CNTN4: variants seen among roughly 807,000 people sequenced by gnomAD.
CNTN4 encodes the protein contactin 4.
CNTN4 carries 77 observed loss-of-function variants against 122.5 expected under a neutral mutation model. The observed-to-expected ratio is 0.63, with a 90% CI of 0.52 to 0.76. The LOEUF is 0.76. Among genes scored for constraint, CNTN4 ranks in the 30% least tolerant of loss-of-function variants. The pLI is 0.00. For missense variants in CNTN4, 1,256 were observed against 1,259.1 expected, an observed-to-expected ratio of 1.00 and a Z score of 0.04; for synonymous variants, 512 against 447.0, an observed-to-expected ratio of 1.15 and a Z score of -1.83.
chr3:2,734,648 C>CTTTTTTTTTT (rs71058638), intron 4 of CNTN4, among the ~76,000 whole-genome samples: 1 of 139,524 alleles, frequency 7.2e-6, no homozygotes, highest in Non-Finnish European at 1.5e-5. Flanking sequence ...GCATGAAGTG[C>CTTTTTTTTTT]TTTTTTTTTT....
At chr3:2,118,492 A>C (rs906052084) in intron 2 of CNTN4, among the ~76,000 whole-genome samples, 1 of 152,226 alleles carries the variant, frequency 6.6e-6, no homozygotes, top group African/African-American at 2.4e-5. Context: ...AAATGGGAAG[A>C]TTTTCAACCA....
rs115776969 is a variant in CNTN4 at position 2,651,305 on chromosome 3, G to A, written c.55+79747G>A. Among the ~76,000 whole-genome samples the A allele has an allele frequency of 2.9e-3, 449 of 152,214 alleles. 2 individuals carry two copies. The highest frequency in any genetic ancestry group is 0.01 in the African/African-American group (429 of 41,516). On this transcript the variant is annotated intron_variant, in intron 4 of 24. Transcript: ENST00000418658. ...CTTAGGATCCTCTTGCTTCCTTTGT[G>A]CTCCCGATGATCCCTTTGTATTTTC...
chr3:2,663,850 C>G (rs75071071), intron 4 of CNTN4, among the ~76,000 whole-genome samples: 1 of 152,078 alleles, frequency 6.6e-6, no homozygotes, highest in Non-Finnish European at 1.5e-5. Flanking sequence ...CATATTACAA[C>G]AAAGATGAAC....
intron 20 of CNTN4, chr3:3,041,191 T>A (rs1242516442): frequency 6.6e-6 from 1 of 152,184 alleles, no homozygotes; most frequent in African/African-American, 2.4e-5. Flanking sequence ...TCAGTGAAGA[T>A]GCAATAACTT....
intron 4 of CNTN4, among the ~76,000 whole-genome samples, chr3:2,625,809 C>T (rs2082162690): frequency 1.3e-5 from 2 of 152,112 alleles, no homozygotes; most frequent in Admixed American, 1.3e-4. Flanking sequence ...TCCTGCTGCG[C>T]CTGATTCTAA....
At chr3:2,859,322 T>C (rs1387775457) in intron 7 of CNTN4, among the ~76,000 whole-genome samples, 1 of 152,246 alleles carries the variant, frequency 6.6e-6, no homozygotes, top group Non-Finnish European at 1.5e-5. Flanking sequence ...GGACACTTAG[T>C]TGATTCCATA....
chr3:2,362,251 TG>T (rs1238418692), intron 3 of CNTN4: 4 of 183,778 alleles, frequency 2.2e-5, no homozygotes, highest in African/African-American at 9.5e-5. Context: ...ATCCCAGCTC[TG>T]GCAAGATGGT....
At chr3:2,217,566 T>C (rs887139392) in intron 2 of CNTN4, among the ~76,000 whole-genome samples, 2 of 152,230 alleles carry the variant, frequency 1.3e-5, no homozygotes, top group African/African-American at 2.4e-5. Flanking sequence ...TATTCCAATG[T>C]CTTCTCCATA....
In CNTN4 at chr3:2,151,598, G is replaced by C. The variant is rs889545495; in HGVS notation, c.-145+50959G>C. Among the ~76,000 whole-genome samples the C allele has an allele frequency of 2.6e-5, 4 of 152,084 alleles. No individual in the cohort carries two copies. The East Asian group carries it at 7.7e-4, about 29-fold the overall frequency. ...AACTCATGTCGAAATTTAATCCCCA[G>C]TGTAGCAGAATTGAGAATTGGGGCC... On this transcript the variant is annotated intron_variant, in intron 2 of 24. Transcript: ENST00000418658.
At chr3:2,249,560 G>A (rs969517325) in intron 2 of CNTN4, among the ~76,000 whole-genome samples, 1 of 151,892 alleles carries the variant, frequency 6.6e-6, no homozygotes, top group Non-Finnish European at 1.5e-5. Flanking sequence ...GTAGAGTCAA[G>A]TTTAGTCATT....
intron 7 of CNTN4, among the ~76,000 whole-genome samples, chr3:2,848,207 C>T (rs2093488014): frequency 6.6e-6 from 1 of 152,128 alleles, no homozygotes; most frequent in African/African-American, 2.4e-5. Flanking sequence ...CCACTGCAGT[C>T]CAGCCTGGGC....
At chr3:2,552,674 T>C (rs1289619220) in intron 3 of CNTN4, among the ~76,000 whole-genome samples, 1 of 152,158 alleles carries the variant, frequency 6.6e-6, no homozygotes, top group Non-Finnish European at 1.5e-5. Flanking sequence ...GAAGGTGAGC[T>C]GGGTATCAAA....
rs1364949632 is a variant in CNTN4, at chr3:2,974,881, A to C, written c.1359-13464A>C. Among the ~76,000 whole-genome samples, 3 of 152,334 alleles carry C rather than the reference A, an allele frequency of 2.0e-5. No homozygotes were observed. In the South Asian group the frequency reaches 6.2e-4, roughly 32 times the overall value. On this transcript the variant is annotated intron_variant, in intron 13 of 24. Transcript: ENST00000418658. ...ATCCTGCCATCACCAAAGAGTTGCA[A>C]ATTGGATGCATAATAAAATTAAAAC...
chr3:2,568,364 T>C (rs1446655856), intron 3 of CNTN4, among the ~76,000 whole-genome samples: 1 of 149,724 alleles, frequency 6.7e-6, no homozygotes, highest in Non-Finnish European at 1.5e-5. Context: ...TTCTCAGTTA[T>C]TCATCTCCTC....
intron 4 of CNTN4, among the ~76,000 whole-genome samples, chr3:2,714,623 C>T (rs1438230337): frequency 1.3e-5 from 2 of 152,178 alleles, no homozygotes; most frequent in East Asian, 3.8e-4. Context: ...AAGCAGTACT[C>T]AATGAGAAAA....
chr3:2,648,670 C>T (rs1028849965), intron 4 of CNTN4, among the ~76,000 whole-genome samples: 9 of 152,030 alleles, frequency 5.9e-5, no homozygotes, highest in Admixed American at 3.3e-4. Flanking sequence ...GAAATTAGGC[C>T]AATTACTAAC....
chr3:2,241,814 G>A (rs1389893643), intron 2 of CNTN4, among the ~76,000 whole-genome samples: 1 of 152,144 alleles, frequency 6.6e-6, no homozygotes, highest in Admixed American at 6.6e-5. Context: ...AAAACGGTAT[G>A]CCAGACAAGG....
intron 2 of CNTN4, among the ~76,000 whole-genome samples, chr3:2,107,288 A>C (rs1210780281): frequency 6.6e-6 from 1 of 152,222 alleles, no homozygotes; most frequent in Non-Finnish European, 1.5e-5. Flanking sequence ...ATTGTTATAA[A>C]GAACTACCCA....
At chr3:2,794,679 C>T (rs917907467) in intron 6 of CNTN4, among the ~76,000 whole-genome samples, 1 of 152,184 alleles carries the variant, frequency 6.6e-6, no homozygotes, top group East Asian at 1.9e-4. Context: ...TGAAAACTTA[C>T]ATCTTCCATT....
Sources: gnomAD v4.1 joint callset for allele counts (sites outside exome capture counted in the v4.1 genomes callset) on GRCh38, gnomAD v4.1.1 for gene constraint, MANE v1.5 for transcripts, NCBI Gene and HGNC (gene_info 2026-07-23, HGNC 2026-07-21) for gene names.